IL17D: variants seen among roughly 807,000 people sequenced by gnomAD.
The protein encoded by IL17D is interleukin-17D.
IL17D carries 10 observed loss-of-function variants against 5.7 expected under a neutral mutation model. The ratio of observed to expected loss-of-function variants is 1.75; its 90% CI spans 1.08 to 2.97. IL17D has a LOEUF of 2.97. IL17D is among the 30% of genes most tolerant of loss of function. The probability of loss-of-function intolerance (pLI) is 0.00; values close to 1 mark genes in which losing one functional copy is unlikely to be tolerated. For missense variants in IL17D, 354 were observed against 292.7 expected, an observed-to-expected ratio of 1.21 and a Z score of -1.53; for synonymous variants, 172 against 141.7, an observed-to-expected ratio of 1.21 and a Z score of -1.52.
At position 20,717,554 on chromosome 13, in the gene IL17D, G is replaced by A. The variant is rs368894417; in HGVS notation, c.291-4082G>A. 1.2e-3 allele frequency among the ~76,000 whole-genome samples: 186 copies of A among 152,258 alleles called. 4 individuals carry two copies. In the South Asian group the frequency reaches 0.033, roughly 27 times the overall value. Reference sequence around the variant, plus strand: ...GCTTCTCTCATGACCTCTTTCCCAGGCCCCCGCTGGATCCTTCCAAAGGCA... The same window carrying A: ...GCTTCTCTCATGACCTCTTTCCCAGACCCCCGCTGGATCCTTCCAAAGGCA... On this transcript the variant is annotated intron_variant, in intron 1 of 1. Coordinates refer to ENST00000682841, the MANE Select transcript of IL17D (RefSeq NM_001385224.1).
chr13:20,706,148 G>T (rs541057814), intron 1 of IL17D, among the ~76,000 whole-genome samples: 32 of 152,286 alleles, frequency 2.1e-4, no homozygotes, highest in African/African-American at 6.0e-4. Flanking sequence ...AGTTGGGTGG[G>T]ACCCCTCCCG....
At chr13:20,712,681 A>G (rs2058648815) in intron 1 of IL17D, 1 of 151,532 alleles carries the variant, frequency 6.6e-6, no homozygotes, top group East Asian at 1.9e-4. Flanking sequence ...GCTAAAAAAA[A>G]AAAAAAACCC....
At chr13:20,718,198 C>T (rs1340758846) in intron 1 of IL17D, among the ~76,000 whole-genome samples, 1 of 152,100 alleles carries the variant, frequency 6.6e-6, no homozygotes, top group African/African-American at 2.4e-5. Flanking sequence ...TGCAGCTGCC[C>T]GGTGCCCTTC....
Position 20,721,813 on chromosome 13 carries a change from C to T in IL17D, c.468C>T (p.Tyr156=). Residue 156 remains tyrosine, a synonymous_variant, in exon 2 of 2, where the codon TAC becomes TAT. Coordinates refer to ENST00000682841, the MANE Select transcript of IL17D (RefSeq NM_001385224.1). ...CCTGCGCCGGCGGCCGTTCCGTCTA[C>T]ACCGAGGCCTACGTCACCATCCCCG... ...TPACAGGRSV[Y]TEAYVTIPVG... is the part of the protein sequence containing the mutation. The T allele has an allele frequency of 6.2e-7, 1 of 1,610,370 alleles. No homozygotes were observed. Among genetic ancestry groups the T allele is most frequent in the Non-Finnish European group, 8.5e-7 (1 of 1,179,816 alleles).
Position 20,721,219 on chromosome 13 carries a change from C to A in IL17D, c.291-417C>A, listed in dbSNP as rs7337605. Among the ~76,000 whole-genome samples, 452 of 152,266 alleles carry A rather than the reference C, an allele frequency of 3.0e-3. 2 individuals are homozygous for A. The highest frequency in any genetic ancestry group is 0.01 in the Middle Eastern group (3 of 294). Reference sequence around the variant, plus strand: ...CCTGCCCCAAGCCTGTCCTTGAAACCCGCCCTACCTGCCCCCAGCCTAGGC... The same window carrying A: ...CCTGCCCCAAGCCTGTCCTTGAAACACGCCCTACCTGCCCCCAGCCTAGGC... On this transcript the variant is annotated intron_variant, in intron 1 of 1. Transcript: ENST00000682841.
upstream of IL17D, chr13:20,702,958 G>A (rs2058556461): frequency 6.6e-6 from 1 of 152,218 alleles, no homozygotes; most frequent in African/African-American, 2.4e-5. Context: ...CTCTTCCAGG[G>A]GGCCTATTCT....
chr13:20,702,922 G>C (rs1174219052), upstream of IL17D: 1 of 152,276 alleles, frequency 6.6e-6, no homozygotes, highest in African/African-American at 2.4e-5. Flanking sequence ...GCTCTAAGGA[G>C]AATCCCTCTG....
intron 1 of IL17D, chr13:20,713,440 C>G (rs2058656305): frequency 6.6e-6 from 1 of 152,278 alleles, no homozygotes; most frequent in Non-Finnish European, 1.5e-5. Flanking sequence ...GCCCCAGCTT[C>G]TTAAAATACA....
chr13:20,706,864 G>A (rs1001714253), intron 1 of IL17D, among the ~76,000 whole-genome samples: 15 of 152,234 alleles, frequency 9.9e-5, no homozygotes, highest in Admixed American at 2.6e-4. Context: ...GCCCACATGT[G>A]GAACCTCAGT....
Position 20,717,752 on chromosome 13 carries a change from T to TG in IL17D, c.291-3878dup, listed in dbSNP as rs2058688599. On this transcript the variant is annotated intron_variant, in intron 1 of 1. Coordinates refer to ENST00000682841, the MANE Select transcript of IL17D (RefSeq NM_001385224.1). ...TGATCTCCCATGGCCCACGCAGCCATGGGGGGAGGTGTCTTGTCAGAGGCC... is the reference window on the plus strand; with the variant it reads ...TGATCTCCCATGGCCCACGCAGCCATGGGGGGGAGGTGTCTTGTCAGAGGCC... Among the ~76,000 whole-genome samples the TG allele has an allele frequency of 2.6e-5, 4 of 152,192 alleles. 1 individual carries two copies. In the South Asian group the frequency reaches 8.3e-4, roughly 32 times the overall value.
Position 20,721,685 on chromosome 13 carries a change from T to C in IL17D, c.340T>C (p.Cys114Arg). 1 of 1,610,980 alleles carries C rather than the reference T, an allele frequency of 6.2e-7. No homozygotes were observed. Among genetic ancestry groups the C allele is most frequent in the Non-Finnish European group, 8.5e-7 (1 of 1,178,936 alleles). The change falls in exon 2 of 2, where the codon TGC (cysteine) becomes CGC (arginine). Residue 114 changes from cysteine (C) to arginine (R), a missense_variant. Transcript: ENST00000682841. Reference sequence around the variant, plus strand: ...CCCCAGGTACCTGCCTGAAGCCTACTGCCTGTGCCGGGGCTGCCTGACCGG... The same window carrying C: ...CCCCAGGTACCTGCCTGAAGCCTACCGCCTGTGCCGGGGCTGCCTGACCGG... ...RYPRYLPEAYCLCRGCLTGLF... is the reference protein window; with the variant it reads ...RYPRYLPEAYRLCRGCLTGLF...
In IL17D at chr13:20,704,262, C is replaced by T. The variant is rs1285403192; in HGVS notation, c.261C>T (p.Asn87=). The T allele has an allele frequency of 3.1e-6, 4 of 1,291,196 alleles. No individual in the cohort carries two copies. The highest frequency in any genetic ancestry group is 3.9e-6 in the Non-Finnish European group (4 of 1,021,588). 80.0% of individuals were successfully genotyped at this position (1,291,196 alleles called of 1,614,324 possible). The change falls in exon 1 of 2, where the codon AAC becomes AAT. Residue 87 remains asparagine (N), a synonymous_variant. Transcript: ENST00000682841. ...PADRRFRPPT[N]LRSVSPWAYR... The stretch of plus-strand genomic sequence containing the variant: ...ACCGCCGCTTCCGGCCGCCCACCAA[C>T]CTGCGCAGCGTGTCGCCCTGGGCCT...
chr13:20,718,000 G>A (rs1473838217), intron 1 of IL17D, among the ~76,000 whole-genome samples: 1 of 152,078 alleles, frequency 6.6e-6, no homozygotes, highest in Non-Finnish European at 1.5e-5. Context: ...CATACCGAGG[G>A]CACGGAAAGA....
In IL17D at chr13:20,703,939, G is replaced by C. The variant is rs1007078639; in HGVS notation, c.-63G>C. On this transcript the variant is annotated 5_prime_UTR_variant, in exon 1 of 2. Transcript: ENST00000682841. ...GGCGCCGCGGGCGGGACACGGGCGCGGGGCGCAGGCGGGCTCCTCCGGCGC... is the reference window on the plus strand; with the variant it reads ...GGCGCCGCGGGCGGGACACGGGCGCCGGGCGCAGGCGGGCTCCTCCGGCGC... 5.4e-5 allele frequency: 50 copies of C among 917,908 alleles called. No individual in the cohort carries two copies. Among genetic ancestry groups the C allele is most frequent in the Non-Finnish European group, 6.1e-5 (47 of 768,030 alleles). 56.9% of individuals were successfully genotyped at this position (917,908 alleles called of 1,614,324 possible). A position where few individuals can be genotyped will look rare whatever the true frequency, so the allele number is the denominator to read the frequency against.
Position 20,721,970 on chromosome 13 carries a change from G to A in IL17D, c.*16G>A. 1 of 1,562,912 alleles carries A rather than the reference G, an allele frequency of 6.4e-7. No homozygotes were observed. Among genetic ancestry groups the A allele is most frequent in the Non-Finnish European group, 8.6e-7 (1 of 1,160,532 alleles). ...TGGCCCCTGAGGCCGGTCCTGCCCC[G>A]GGAGGTCTCCCCGGCCCGCATCCCG... is the stretch of plus-strand genomic sequence containing the variant. On this transcript the variant is annotated 3_prime_UTR_variant, in exon 2 of 2. Coordinates refer to ENST00000682841, the MANE Select transcript of IL17D (RefSeq NM_001385224.1).
chr13:20,701,931 G>T (rs1305504261), upstream of IL17D: 2 of 152,164 alleles, frequency 1.3e-5, no homozygotes, highest in Non-Finnish European at 2.9e-5. Flanking sequence ...TGGTGAGGAA[G>T]AGAGAAGCTG....
At chr13:20,718,334 CTGTCCA>C (rs1309529401) in intron 1 of IL17D, among the ~76,000 whole-genome samples, 1 of 152,144 alleles carries the variant, frequency 6.6e-6, no homozygotes, top group Non-Finnish European at 1.5e-5. Context: ...AGCACGCAAC[CTGTCCA>C]TGCTTACACA....
intron 1 of IL17D, chr13:20,713,433 C>T (rs973398043): frequency 6.6e-6 from 1 of 152,196 alleles, no homozygotes; most frequent in Non-Finnish European, 1.5e-5. Context: ...CCCCCTTGCC[C>T]CAGCTTCTTA....
intron 1 of IL17D, among the ~76,000 whole-genome samples, chr13:20,710,334 C>T (rs2058624540): frequency 6.6e-6 from 1 of 151,630 alleles, no homozygotes; most frequent in Admixed American, 6.6e-5. Flanking sequence ...CAAAGACAGG[C>T]TGGGCGCAGT....
Sources: allele counts gnomAD v4.1 joint callset (sites outside exome capture counted in the v4.1 genomes callset), GRCh38; gene constraint gnomAD v4.1.1; transcripts MANE v1.5; gene names NCBI Gene and HGNC (gene_info 2026-07-23, HGNC 2026-07-21).